SLC11A2: variants seen among roughly 807,000 people sequenced by gnomAD.
SLC11A2 encodes natural resistance-associated macrophage protein 2.
SLC11A2 carries 38 observed loss-of-function variants against 68.0 expected under a neutral mutation model. That is an observed-to-expected ratio of 0.56 (90% confidence interval 0.43 to 0.73). The LOEUF (loss-of-function observed/expected upper bound fraction) is 0.73. SLC11A2 is among the 30% of genes least tolerant of loss of function. The pLI, the probability that SLC11A2 is intolerant of heterozygous loss-of-function variation, is 0.00. For missense variants in SLC11A2, 517 were observed against 690.5 expected, an observed-to-expected ratio of 0.75 and a Z score of 2.82; for synonymous variants, 242 against 250.6, an observed-to-expected ratio of 0.97 and a Z score of 0.32.
At chr12:50,994,795 T>C in intron 10 of SLC11A2, 165 bp from the exon 11 acceptor site, 1 of 623,314 alleles carries the variant, frequency 1.6e-6, no homozygotes, top group Non-Finnish European at 2.9e-6. Context: ...TTATCTAGGA[T>C]CTTCCTCTAT....
chr12:51,021,621 T>C (rs1177436904), intron 1 of SLC11A2, among the ~76,000 whole-genome samples: 2 of 123,656 alleles, frequency 1.6e-5, no homozygotes, highest in Non-Finnish European at 3.9e-5. Context: ...AGTGAGACCC[T>C]GTCTCAAAAA....
chr12:51,023,076 C>A (rs1341618756), intron 1 of SLC11A2, among the ~76,000 whole-genome samples: 1 of 152,060 alleles, frequency 6.6e-6, no homozygotes, highest in African/African-American at 2.4e-5. Context: ...CTGATGATGC[C>A]TTGAAGGCTC....
Position 50,986,024 on chromosome 12 carries a change from C to A in SLC11A2, c.*2301G>T. 6 of 1,141,304 alleles carry A rather than the reference C, an allele frequency of 5.3e-6. No homozygotes were observed. The highest frequency in any genetic ancestry group is 4.4e-6 in the Non-Finnish European group (4 of 915,676). 70.7% of individuals were successfully genotyped at this position (1,141,304 alleles called of 1,614,324 possible). A position where few individuals can be genotyped will look rare whatever the true frequency, so the allele number is the denominator to read the frequency against. ...AAGAAATTTTTTTTTAATTAGAAAC[C>A]AAGTTTACATACGGTTAAATGGTTA... On this transcript the variant is annotated 3_prime_UTR_variant, in exon 16 of 16. Transcript: ENST00000262052.
rs1942009649 is a variant in SLC11A2, at chr12:50,999,358, G to T, written c.594C>A (p.Phe198Leu). Residue 198 changes from phenylalanine (F) to leucine (L), a missense_variant, in exon 7 of 16, where the codon TTC (phenylalanine) becomes TTA (leucine). By Grantham distance (22) the Phe-to-Leu change is conservative. Transcript: ENST00000262052. Reference protein sequence around the residue: ...ITIADTFVFLFLDKYGLRKLE... With the variant: ...ITIADTFVFLLLDKYGLRKLE... ...CGCTCTCCTTACCATATTTGTCCAA[G>T]AAGAGAAATACAAAAGTATCTGCAA... is the stretch of plus-strand genomic sequence containing the variant. 1.2e-6 allele frequency: 2 copies of T among 1,613,738 alleles called. No individual in the cohort carries two copies. The highest frequency in any genetic ancestry group is 2.2e-5 in the South Asian group (2 of 91,074).
At chr12:50,973,176 A>G in the SLC11A2 span, among the ~76,000 whole-genome samples, 1 of 152,132 alleles carries the variant, frequency 6.6e-6, no homozygotes, top group African/African-American at 2.4e-5. Context: ...GAGATCTGAG[A>G]ACGGACAGAC....
At chr12:50,999,114 T>TAAA in intron 8 of SLC11A2, 60 bp downstream of exon 8, 8 of 1,029,100 alleles carry the variant, frequency 7.8e-6, no homozygotes, top group Non-Finnish European at 9.8e-6. Flanking sequence ...AATAAAAGGC[T>TAAA]AAAAAAAAAA....
chr12:51,027,867 A>C (rs1944450084), upstream of SLC11A2, among the ~76,000 whole-genome samples: 1 of 148,950 alleles, frequency 6.7e-6, no homozygotes, highest in South Asian at 2.2e-4. Flanking sequence ...GCAAAGAGAA[A>C]AATCCAAATA....
the SLC11A2 span, chr12:50,954,208 T>C: frequency 2.5e-5 from 16 of 635,202 alleles, no homozygotes; most frequent in Non-Finnish European, 3.9e-5. Flanking sequence ...TAATTGAAGC[T>C]AACCTCCTCT....
intron 14 of SLC11A2, chr12:50,991,365 G>A: frequency 1.7e-6 from 1 of 578,120 alleles, no homozygotes; most frequent in Admixed American, 3.0e-5. Flanking sequence ...GGCTGAAGCT[G>A]AAGAGTTATG....
downstream of SLC11A2, chr12:50,979,279 C>CAA (rs1467734875): frequency 6.6e-6 from 1 of 152,198 alleles, no homozygotes; most frequent in Non-Finnish European, 1.5e-5. Flanking sequence ...TTTCTGATTA[C>CAA]AGGAGTTCTG....
chr12:51,001,628 C>T (rs1040621947), intron 5 of SLC11A2, among the ~76,000 whole-genome samples: 5 of 148,394 alleles, frequency 3.4e-5, no homozygotes, highest in Non-Finnish European at 4.5e-5. Context: ...AAAACCTTCA[C>T]ATGTATCCAT....
rs1211351009 is a variant in SLC11A2, at chr12:51,009,947, C to T, written c.34+748G>A. Among the ~76,000 whole-genome samples the T allele has an allele frequency of 5.3e-5, 8 of 151,504 alleles. No individual in the cohort carries two copies. The East Asian group carries it at 1.4e-3, about 26-fold the overall frequency. On this transcript the variant is annotated intron_variant, in intron 2 of 15. Transcript: ENST00000262052. Reference sequence around the variant, plus strand: ...CTGTAATCCCAGCATTTTGGGAGGCCGAGACGGGTGGACCACCTGAGGTCA... The same window carrying T: ...CTGTAATCCCAGCATTTTGGGAGGCTGAGACGGGTGGACCACCTGAGGTCA...
chr12:51,008,323 G>GTA, intron 3 of SLC11A2, 153 bp downstream of exon 3: 6 of 615,454 alleles, frequency 9.7e-6, no homozygotes, highest in Middle Eastern at 8.8e-4. Context: ...GTGTGTGTGT[G>GTA]TGTATATATA....
intron 2 of SLC11A2, among the ~76,000 whole-genome samples, chr12:51,009,975 A>C (rs1185674665): frequency 1.3e-5 from 2 of 149,624 alleles, no homozygotes; most frequent in African/African-American, 4.9e-5. Context: ...TGAGGTCAGG[A>C]GTTCAAGACC....
chr12:51,017,263 T>C (rs1943728527), intron 1 of SLC11A2, among the ~76,000 whole-genome samples: 1 of 152,180 alleles, frequency 6.6e-6, no homozygotes, highest in Non-Finnish European at 1.5e-5. Context: ...TTGAATAAAC[T>C]GTGCACATTC....
At chr12:50,970,145 T>C in the SLC11A2 span, among the ~76,000 whole-genome samples, 1 of 152,220 alleles carries the variant, frequency 6.6e-6, no homozygotes, top group Non-Finnish European at 1.5e-5. Context: ...ATGACTACTA[T>C]TTTTATCTTC....
the SLC11A2 span, among the ~76,000 whole-genome samples, chr12:50,959,908 C>G: frequency 8.2e-4 from 125 of 152,338 alleles, no homozygotes; most frequent in Middle Eastern, 0.017. Context: ...CCTCAACCTC[C>G]CAAAGTGCTG....
rs886049559 is a variant in SLC11A2, at chr12:50,986,726, G to C, written c.*1599C>G. ...CAGATATGAAGAGGAATGGTTAGGG[G>C]AATTGTCATTCATAACTCTGTGCTA... On this transcript the variant is annotated 3_prime_UTR_variant, in exon 16 of 16. Coordinates refer to ENST00000262052, the MANE Select transcript of SLC11A2 (RefSeq NM_000617.3). The C allele has an allele frequency of 3.9e-6, 5 of 1,287,122 alleles. No homozygotes were observed. The highest frequency in any genetic ancestry group is 5.1e-6 in the Non-Finnish European group (5 of 988,642). 79.7% of individuals were successfully genotyped at this position (1,287,122 alleles called of 1,614,324 possible).
chr12:51,002,613 T>C (rs949597241), intron 5 of SLC11A2, among the ~76,000 whole-genome samples: 1 of 113,546 alleles, frequency 8.8e-6, no homozygotes, highest in African/African-American at 3.3e-5. Flanking sequence ...TACCCGAGCC[T>C]GGGTGACAAA....
Sources: gnomAD v4.1 joint callset for allele counts (sites outside exome capture counted in the v4.1 genomes callset) on GRCh38, gnomAD v4.1.1 for gene constraint, MANE v1.5 for transcripts, NCBI Gene and HGNC (gene_info 2026-07-23, HGNC 2026-07-21) for gene names.